DPF3: variants seen among roughly 807,000 people sequenced by gnomAD.
DPF3 encodes the protein double PHD fingers 3.
In DPF3, 18 loss-of-function variants were observed where a neutral mutation model predicts 56.8. The observed-to-expected ratio is 0.32, with a 90% confidence interval of 0.22 to 0.47. The LOEUF (loss-of-function observed/expected upper bound fraction) is 0.47. DPF3 is among the 20% of genes least tolerant of loss of function. The pLI, the probability that DPF3 is intolerant of heterozygous loss-of-function variation, is 1.00. For missense variants in DPF3, 403 were observed against 488.8 expected, an observed-to-expected ratio of 0.82 and a Z score of 1.65; for synonymous variants, 188 against 180.2, an observed-to-expected ratio of 1.04 and a Z score of -0.35.
intron 8 of DPF3, among the ~76,000 whole-genome samples, chr14:72,652,951 C>T (rs1331428023): frequency 2.6e-5 from 4 of 152,118 alleles, no homozygotes; most frequent in East Asian, 3.8e-4. Context: ...AATTGTTTTT[C>T]CTTTCCTCAG....
chr14:72,892,065 C>T, intron 1 of DPF3: 1 of 1,449,776 alleles, frequency 6.9e-7, no homozygotes, highest in Non-Finnish European at 9.0e-7. Flanking sequence ...TAGGGGAACA[C>T]AAGCTTAGAG....
At chr14:72,725,648 A>G (rs769666603) in intron 4 of DPF3, among the ~76,000 whole-genome samples, 3 of 152,104 alleles carry the variant, frequency 2.0e-5, no homozygotes, top group Non-Finnish European at 4.4e-5. Context: ...TGGGTCAAAG[A>G]TCACAAATAT....
chr14:72,660,435 G>A (rs1432441211), intron 8 of DPF3, among the ~76,000 whole-genome samples: 1 of 152,170 alleles, frequency 6.6e-6, no homozygotes, highest in East Asian at 1.9e-4. Flanking sequence ...GTCAAGACCT[G>A]GCCTGACATG....
chr14:72,786,005 T>G (rs1892193570), intron 1 of DPF3, among the ~76,000 whole-genome samples: 1 of 152,218 alleles, frequency 6.6e-6, no homozygotes, highest in Non-Finnish European at 1.5e-5. Context: ...CTCACGCCTG[T>G]AATGCCAACA....
intron 9 of DPF3, among the ~76,000 whole-genome samples, chr14:72,628,678 GGAGA>G (rs905859648): frequency 1.3e-5 from 2 of 151,682 alleles, no homozygotes; most frequent in African/African-American, 2.4e-5. Flanking sequence ...GTTGGTGAGA[GGAGA>G]GAGAGAGATA....
chr14:72,685,655 G>C (rs1887378524), intron 7 of DPF3, among the ~76,000 whole-genome samples: 1 of 152,192 alleles, frequency 6.6e-6, no homozygotes, highest in South Asian at 2.1e-4. Context: ...TCCTCTGGGG[G>C]ATACAGCACC....
intron 8 of DPF3, chr14:72,662,777 C>G (rs1599335541): frequency 1.0e-6 from 1 of 989,302 alleles, no homozygotes; most frequent in Non-Finnish European, 1.2e-6. Flanking sequence ...CTTCTTTTCA[C>G]CTTCTTCGGA....
intron 8 of DPF3, among the ~76,000 whole-genome samples, chr14:72,645,150 C>T (rs1885681684): frequency 6.6e-6 from 1 of 152,220 alleles, no homozygotes; most frequent in African/African-American, 2.4e-5. Context: ...AGATATATAA[C>T]TTCTGTTTTC....
chr14:72,733,090 C>T (rs1015202807), intron 3 of DPF3, among the ~76,000 whole-genome samples: 1 of 152,060 alleles, frequency 6.6e-6, no homozygotes, highest in Non-Finnish European at 1.5e-5. Context: ...AGCCACCATC[C>T]CCTGCTGTTT....
intron 9 of DPF3, among the ~76,000 whole-genome samples, chr14:72,625,155 A>C (rs148087117): frequency 8.0e-4 from 122 of 152,300 alleles, no homozygotes; most frequent in African/African-American, 2.7e-3. Flanking sequence ...ATCAATTGAC[A>C]GTTCGTCCTT....
At chr14:72,854,025 G>A (rs1885085457) in intron 1 of DPF3, among the ~76,000 whole-genome samples, 1 of 152,142 alleles carries the variant, frequency 6.6e-6, no homozygotes. Flanking sequence ...ATAAACTCAT[G>A]AAACCAACCA....
At chr14:72,795,438 C>T (rs532302331) in intron 1 of DPF3, among the ~76,000 whole-genome samples, 1 of 151,946 alleles carries the variant, frequency 6.6e-6, no homozygotes, top group East Asian at 1.9e-4. Flanking sequence ...GTGTGAACTT[C>T]CATTTTCCCA....
At chr14:72,831,642 A>G (rs1004552) in intron 1 of DPF3, among the ~76,000 whole-genome samples, 105,891 of 152,070 alleles carry the variant, frequency 0.7, 37,202 homozygotes, top group East Asian at 0.89. Flanking sequence ...TCCCGTCAGT[A>G]GCAGCACTGA....
intron 1 of DPF3, among the ~76,000 whole-genome samples, chr14:72,814,231 T>C (rs1883186513): frequency 6.6e-6 from 1 of 152,126 alleles, no homozygotes; most frequent in African/African-American, 2.4e-5. Context: ...TTCATGAAGA[T>C]GATTCTGAGG....
At chr14:72,861,783 G>GAAAGAAAGAA (rs1567261239) in intron 1 of DPF3, among the ~76,000 whole-genome samples, 1 of 149,634 alleles carries the variant, frequency 6.7e-6, no homozygotes, top group Non-Finnish European at 1.5e-5. Flanking sequence ...AAGAAAGAAA[G>GAAAGAAAGAA]AAAGAAAGAA....
At chr14:72,771,183 C>T (rs1891513844) in intron 2 of DPF3, among the ~76,000 whole-genome samples, 2 of 151,094 alleles carry the variant, frequency 1.3e-5, no homozygotes, top group African/African-American at 4.9e-5. Flanking sequence ...AAAAAAATAA[C>T]AATAATAATA....
intron 1 of DPF3, among the ~76,000 whole-genome samples, chr14:72,808,660 T>G (rs146753481): frequency 1.5e-4 from 23 of 152,278 alleles, no homozygotes; most frequent in Non-Finnish European, 3.1e-4. Flanking sequence ...GGCCAACATT[T>G]TCAGGGATGC....
intron 1 of DPF3, among the ~76,000 whole-genome samples, chr14:72,799,888 G>C (rs990715428): frequency 6.6e-6 from 1 of 152,148 alleles, no homozygotes; most frequent in African/African-American, 2.4e-5. Flanking sequence ...GTGGAGTTTA[G>C]AGATGAAGGA....
At chr14:72,786,235 C>T (rs1471335779) in intron 1 of DPF3, among the ~76,000 whole-genome samples, 1 of 151,814 alleles carries the variant, frequency 6.6e-6, no homozygotes, top group Non-Finnish European at 1.5e-5. Flanking sequence ...TGCACTCCAA[C>T]CTGGGCAACA....
Sources: gnomAD v4.1 joint callset for allele counts (sites outside exome capture counted in the v4.1 genomes callset) on GRCh38, gnomAD v4.1.1 for gene constraint, MANE v1.5 for transcripts, NCBI Gene and HGNC (gene_info 2026-07-23, HGNC 2026-07-21) for gene names.